The following ZSCAN5A variants were observed in gnomAD, a reference collection of about 807,000 sequenced individuals.
ZSCAN5A encodes zinc finger and SCAN domain-containing protein 5A.
A neutral mutation model predicts 23.7 loss-of-function variants in ZSCAN5A; 12 were observed. The ratio of observed to expected loss-of-function variants is 0.51; its 90% CI spans 0.32 to 0.82. ZSCAN5A has a LOEUF of 0.82. ZSCAN5A is among the 40% of genes least tolerant of loss of function. The pLI is 0.03. For missense variants in ZSCAN5A, 597 were observed against 617.9 expected, an observed-to-expected ratio of 0.97 and a Z score of 0.36; for synonymous variants, 257 against 239.9, an observed-to-expected ratio of 1.07 and a Z score of -0.66.
At chr19:56,335,002 C>T (rs192872155) in intron 2 of ZSCAN5A, among the ~76,000 whole-genome samples, 83 of 152,208 alleles carry the variant, frequency 5.5e-4, no homozygotes, top group African/African-American at 1.9e-3. Context: ...CTTCACTGAG[C>T]TAAAGTATCA....
chr19:56,346,716 T>C (rs7257563), intron 2 of ZSCAN5A, among the ~76,000 whole-genome samples: 4,149 of 151,782 alleles, frequency 0.027, 214 homozygotes, highest in African/African-American at 0.094. Flanking sequence ...TTTTATTTTT[T>C]ATTTTTTTTT....
chr19:56,366,832 C>A (rs964857796), intron 1 of ZSCAN5A, among the ~76,000 whole-genome samples: 1 of 152,154 alleles, frequency 6.6e-6, no homozygotes, highest in African/African-American at 2.4e-5. Context: ...TAGAACACTT[C>A]CCCTCTCACA....
At chr19:56,233,017 A>T (rs1016188976) in intron 2 of ZSCAN5A, among the ~76,000 whole-genome samples, 1 of 152,208 alleles carries the variant, frequency 6.6e-6, no homozygotes, top group Non-Finnish European at 1.5e-5. Flanking sequence ...TTCCAAAAAA[A>T]ATGTTAAACA....
rs535375628 is a variant in ZSCAN5A at position 56,285,239 on chromosome 19, GT to G, written c.-128+28043del. Among the ~76,000 whole-genome samples, 6 of 152,304 alleles carry G rather than the reference GT, an allele frequency of 3.9e-5. 1 individual carries two copies. Among genetic ancestry groups the G allele is most frequent in the African/African-American group, 1.4e-4 (6 of 41,560 alleles). On this transcript the variant is annotated intron_variant, in intron 2 of 5. Coordinates refer to ENST00000683990, the MANE Select transcript of ZSCAN5A (RefSeq NM_001322064.3). Reference sequence around the variant, plus strand: ...TGCCTAATAATTATTATGCTGTGGAGTTTTTTAAGTTTTATAAATAGCATAT... The same window carrying G: ...TGCCTAATAATTATTATGCTGTGGAGTTTTTAAGTTTTATAAATAGCATAT...
At chr19:56,273,841 A>C (rs903972027) in intron 2 of ZSCAN5A, among the ~76,000 whole-genome samples, 5 of 152,254 alleles carry the variant, frequency 3.3e-5, no homozygotes, top group Non-Finnish European at 1.5e-5. Context: ...GTTTTCAGCA[A>C]AGGAGTGTCA....
At chr19:56,254,381 TTATTA>T (rs1291559045) in intron 2 of ZSCAN5A, among the ~76,000 whole-genome samples, 1 of 152,194 alleles carries the variant, frequency 6.6e-6, no homozygotes, top group African/African-American at 2.4e-5. Context: ...ACTGCTAACA[TTATTA>T]TATTATTTTT....
intron 2 of ZSCAN5A, among the ~76,000 whole-genome samples, chr19:56,326,219 G>A (rs778808084): frequency 1.3e-5 from 2 of 151,988 alleles, no homozygotes; most frequent in Non-Finnish European, 2.9e-5. Flanking sequence ...TTACAGGCGT[G>A]AGCCACCACG....
At chr19:56,230,021 T>G (rs1242922971) in intron 2 of ZSCAN5A, among the ~76,000 whole-genome samples, 2 of 152,196 alleles carry the variant, frequency 1.3e-5, no homozygotes, top group Non-Finnish European at 2.9e-5. Context: ...ACATGTTGTT[T>G]GCAAAGAGAG....
intron 2 of ZSCAN5A, among the ~76,000 whole-genome samples, chr19:56,226,333 G>A (rs149232021): frequency 0.017 from 2,534 of 151,376 alleles, 53 homozygotes; most frequent in African/African-American, 0.049. Context: ...CACATCTCAC[G>A]GGGCTCCTGT....
intron 3 of ZSCAN5A, 179 bp downstream of exon 3, chr19:56,224,484 G>A (rs1447749293): frequency 2.1e-6 from 2 of 935,196 alleles, no homozygotes; most frequent in African/African-American, 1.7e-5. Flanking sequence ...AGCGTCTCCT[G>A]TCCTCCCTGA....
intron 2 of ZSCAN5A, chr19:56,272,850 C>A: frequency 2.0e-6 from 2 of 985,184 alleles, no homozygotes; most frequent in Non-Finnish European, 2.4e-6. Context: ...CAGATCAGAG[C>A]CATTTCTGAA....
intron 2 of ZSCAN5A, among the ~76,000 whole-genome samples, chr19:56,251,714 G>A (rs76200486): frequency 0.013 from 2,010 of 152,186 alleles, 43 homozygotes; most frequent in African/African-American, 0.043. Context: ...TATCCTGCCC[G>A]CTCAGCCTGG....
chr19:56,329,637 G>A (rs188081585), intron 2 of ZSCAN5A, among the ~76,000 whole-genome samples: 182 of 151,728 alleles, frequency 1.2e-3, no homozygotes, highest in African/African-American at 4.2e-3. Context: ...TAGAAAAATA[G>A]AGAAAGTCAA....
At position 56,221,444 on chromosome 19, in the gene ZSCAN5A, G is replaced by A. The variant is rs553702469; in HGVS notation, c.*131C>T. The A allele has an allele frequency of 1.1e-4, 119 of 1,115,046 alleles. No individual in the cohort carries two copies. Among genetic ancestry groups the A allele is most frequent in the South Asian group, 2.4e-4 (13 of 55,182 alleles). The allele number at this position is 1,115,046 out of a possible 1,614,324, so 69.1% of individuals were successfully genotyped here. A position where few individuals can be genotyped will look rare whatever the true frequency, so the allele number is the denominator to read the frequency against. ...GGACACATATTTACTCAAACATCCT[G>A]GCAATTCATATCTAGGGCACTCCCT... On this transcript the variant is annotated 3_prime_UTR_variant, in exon 6 of 6. Coordinates refer to ENST00000683990, the MANE Select transcript of ZSCAN5A (RefSeq NM_001322064.3).
At chr19:56,223,864 A>G in intron 3 of ZSCAN5A, 30 bp from the exon 4 acceptor site, 1 of 1,582,804 alleles carries the variant, frequency 6.3e-7, no homozygotes, top group South Asian at 1.1e-5. Context: ...AATCAGACTC[A>G]CCATGAGAAC....
chr19:56,298,205 G>A (rs1036329373), intron 2 of ZSCAN5A: 19 of 152,212 alleles, frequency 1.2e-4, no homozygotes, highest in African/African-American at 4.1e-4. Context: ...GAAGAAGAGA[G>A]TATCATAGCA....
At chr19:56,259,640 T>C (rs553825593) in intron 2 of ZSCAN5A, among the ~76,000 whole-genome samples, 2 of 152,238 alleles carry the variant, frequency 1.3e-5, no homozygotes, top group Admixed American at 1.3e-4. Context: ...AGTTTCATAC[T>C]CAGGATTTGT....
At chr19:56,358,714 T>A (rs2041713741) in intron 2 of ZSCAN5A, among the ~76,000 whole-genome samples, 1 of 152,120 alleles carries the variant, frequency 6.6e-6, no homozygotes, top group Non-Finnish European at 1.5e-5. Context: ...AGAACTGAAA[T>A]CATAACAGTC....
chr19:56,297,873 A>ATTTT (rs1360466742), intron 2 of ZSCAN5A: 1 of 152,242 alleles, frequency 6.6e-6, no homozygotes, highest in African/African-American at 2.4e-5. Context: ...ACCAGAAAAT[A>ATTTT]GCAGCAAGCC....
Sources: allele counts gnomAD v4.1 joint callset (sites outside exome capture counted in the v4.1 genomes callset), GRCh38; gene constraint gnomAD v4.1.1; transcripts MANE v1.5; gene names NCBI Gene and HGNC (gene_info 2026-07-23, HGNC 2026-07-21).